PIGB: variants seen among roughly 807,000 people sequenced by gnomAD.
PIGB encodes GPI alpha-1,2-mannosyltransferase 3.
In PIGB, 58 loss-of-function variants were observed where a neutral mutation model predicts 68.4. The observed-to-expected ratio is 0.85, with a 90% CI of 0.69 to 1.06. PIGB has a LOEUF of 1.06. Among genes scored for constraint, PIGB ranks in the 50% least tolerant of loss-of-function variants. PIGB has a pLI of 0.00. For missense variants in PIGB, 634 were observed against 655.8 expected (o/e 0.97, Z 0.36); for synonymous variants, 219 against 220.5 (o/e 0.99, Z 0.06).
intron 3 of PIGB, chr15:55,324,884 GA>G (rs2055244773): frequency 1.3e-6 from 1 of 791,536 alleles, no homozygotes; most frequent in East Asian, 1.3e-4. Flanking sequence ...CAGTTTATGT[GA>G]AATTAAGTAC....
Position 55,350,911 on chromosome 15 carries a change from A to T in PIGB, c.1336A>T (p.Ser446Cys). 6.8e-7 allele frequency: 1 copy of T among 1,463,276 alleles called. No individual in the cohort carries two copies. The highest frequency in any genetic ancestry group is 9.5e-7 in the Non-Finnish European group (1 of 1,048,694). The allele number at this position is 1,463,276 out of a possible 1,614,324, so 90.6% of individuals were successfully genotyped here. A position where few individuals can be genotyped will look rare whatever the true frequency, so the allele number is the denominator to read the frequency against. ...MMPCHSTPYY[S>C]HVHCPLPMRF... ...GCCTTGCCACTCTACTCCTTATTACAGGTAATAAAAGATGTTCCACTATAT... is the reference window on the plus strand; with the variant it reads ...GCCTTGCCACTCTACTCCTTATTACTGGTAATAAAAGATGTTCCACTATAT... The change falls in exon 10 of 12, where the codon AGC (serine) becomes TGC (cysteine). Residue 446 changes from serine to cysteine, a missense_variant and splice_region_variant. Coordinates refer to ENST00000164305, the MANE Select transcript of PIGB (RefSeq NM_004855.5).
Position 55,319,347 on chromosome 15 carries a change from A to G in PIGB, c.97A>G (p.Lys33Glu), listed in dbSNP as rs2055107910. Residue 33 changes from lysine to glutamate, a missense_variant, in exon 1 of 12, where the codon AAG becomes GAG. Lys to Glu is a moderately conservative substitution (Grantham distance 56). Coordinates refer to ENST00000164305, the MANE Select transcript of PIGB (RefSeq NM_004855.5). ...GLQNRSHGKIKLRKRKSTLYF... is the reference protein window; with the variant it reads ...GLQNRSHGKIELRKRKSTLYF... Reference sequence around the variant, plus strand: ...CCAGAACCGCTCCCACGGCAAGATAAAGCTGCGAAAGAGAAAGTCTACCTT... The same window carrying G: ...CCAGAACCGCTCCCACGGCAAGATAGAGCTGCGAAAGAGAAAGTCTACCTT... The G allele has an allele frequency of 1.3e-6, 2 of 1,569,638 alleles. No individual in the cohort carries two copies. The highest frequency in any genetic ancestry group is 1.3e-5 in the African/African-American group (1 of 74,132).
At chr15:55,336,053 CA>C (rs2055527950) in intron 6 of PIGB, among the ~76,000 whole-genome samples, 1 of 152,066 alleles carries the variant, frequency 6.6e-6, no homozygotes, top group South Asian at 2.1e-4. Context: ...AAAGATATAA[CA>C]ATACAGATGC....
At chr15:55,334,643 C>A (rs919253623) in intron 6 of PIGB, among the ~76,000 whole-genome samples, 2 of 152,168 alleles carry the variant, frequency 1.3e-5, no homozygotes, top group African/African-American at 4.8e-5. Context: ...TTGGTTAGCA[C>A]TGGACTGCAT....
At chr15:55,334,314 A>G (rs976494929) in intron 6 of PIGB, among the ~76,000 whole-genome samples, 1 of 152,250 alleles carries the variant, frequency 6.6e-6, no homozygotes, top group Admixed American at 6.5e-5. Flanking sequence ...ATAAGGCTTT[A>G]TAATTCATAA....
chr15:55,335,125 C>G (rs1464414142), intron 6 of PIGB, among the ~76,000 whole-genome samples: 1 of 152,208 alleles, frequency 6.6e-6, no homozygotes, highest in Admixed American at 6.5e-5. Flanking sequence ...GAGCAGTAGG[C>G]TATACCATAT....
intron 5 of PIGB, among the ~76,000 whole-genome samples, chr15:55,331,881 C>CT (rs2141181355): frequency 6.6e-6 from 1 of 152,232 alleles, no homozygotes; most frequent in South Asian, 2.1e-4. Flanking sequence ...TGGATTTCAA[C>CT]TTTCTCTTGA....
intron 9 of PIGB, among the ~76,000 whole-genome samples, chr15:55,345,642 C>G (rs137929371): frequency 7.9e-5 from 12 of 152,162 alleles, no homozygotes; most frequent in Non-Finnish European, 1.3e-4. Flanking sequence ...ACCTGTAATG[C>G]CAGCTACTTG....
At position 55,350,967 on chromosome 15, in the gene PIGB, A is replaced by C. The variant is rs1387411528; in HGVS notation, c.1337+55A>C. ...TAAGAAACTGAAACTGACTACTTTA[A>C]AATTCCCTTTCAGATTCCTGGATTT... is the stretch of plus-strand genomic sequence containing the variant. On this transcript the variant is annotated intron_variant, in intron 10 of 11. Coordinates refer to ENST00000164305, the MANE Select transcript of PIGB (RefSeq NM_004855.5). 3.4e-6 allele frequency: 3 copies of C among 872,106 alleles called. No individual in the cohort carries two copies. In the East Asian group the frequency reaches 7.7e-5, roughly 22 times the overall value. The allele number at this position is 872,106 out of a possible 1,614,324, so 54.0% of individuals were successfully genotyped here.
At chr15:55,320,151 G>A in intron 1 of PIGB, 124 bp from the exon 2 acceptor site, 1 of 761,426 alleles carries the variant, frequency 1.3e-6, no homozygotes, top group Non-Finnish European at 2.0e-6. Flanking sequence ...TAAGAATGGT[G>A]TGGAGGGACC....
intron 9 of PIGB, among the ~76,000 whole-genome samples, chr15:55,346,113 A>AT (rs1683721332): frequency 6.6e-6 from 1 of 152,216 alleles, no homozygotes; most frequent in African/African-American, 2.4e-5. Context: ...GAAGGAACGT[A>AT]TTAGTGATTG....
intron 10 of PIGB, among the ~76,000 whole-genome samples, chr15:55,352,505 G>A (rs1398800387): frequency 6.6e-6 from 1 of 152,180 alleles, no homozygotes; most frequent in Non-Finnish European, 1.5e-5. Context: ...TTATATACCA[G>A]GCTGGGCGTT....
intron 3 of PIGB, among the ~76,000 whole-genome samples, chr15:55,324,088 G>A (rs559105812): frequency 7.2e-5 from 11 of 152,212 alleles, no homozygotes; most frequent in African/African-American, 9.6e-5. Context: ...GGGTTTCACC[G>A]TGGCCAGGCT....
intron 4 of PIGB, among the ~76,000 whole-genome samples, chr15:55,328,531 G>A (rs984883571): frequency 1.3e-5 from 2 of 152,110 alleles, no homozygotes; most frequent in Admixed American, 6.5e-5. Context: ...AGAAAGATTG[G>A]TTTAGCAACT....
chr15:55,319,679 G>C (rs2055118158), intron 1 of PIGB: 2 of 304,142 alleles, frequency 6.6e-6, no homozygotes, highest in Non-Finnish European at 1.2e-5. Context: ...ACATCACACA[G>C]ACCCGGGTTT....
chr15:55,352,682 G>A (rs1360164139), intron 10 of PIGB, among the ~76,000 whole-genome samples: 4 of 152,100 alleles, frequency 2.6e-5, no homozygotes, highest in African/African-American at 9.7e-5. Flanking sequence ...CTAGCTACTC[G>A]GGAGGCGGAG....
chr15:55,353,485 T>C (rs2055973567), intron 10 of PIGB, among the ~76,000 whole-genome samples: 2 of 151,112 alleles, frequency 1.3e-5, no homozygotes, highest in Admixed American at 1.3e-4. Context: ...TAAATGTTTG[T>C]ATCAGTGAGG....
chr15:55,327,582 A>G lies in PIGB; in HGVS notation c.469A>G (p.Arg157Gly). The G allele has an allele frequency of 6.2e-7, 1 of 1,612,438 alleles. No individual in the cohort carries two copies. Among genetic ancestry groups the G allele is most frequent in the South Asian group, 1.1e-5 (1 of 90,708 alleles). Residue 157 changes from arginine to glycine, a missense_variant, in exon 4 of 12, where the codon AGA becomes GGA. Coordinates refer to ENST00000164305, the MANE Select transcript of PIGB (RefSeq NM_004855.5). Reference protein sequence around the residue: ...QALLSAVADVRLYSLMKQLEN... With the variant: ...QALLSAVADVGLYSLMKQLEN... Reference sequence around the variant, plus strand: ...ACTTCTGTCTGCTGTAGCAGATGTGAGACTTTACTCATTAATGAAGCAACT... The same window carrying G: ...ACTTCTGTCTGCTGTAGCAGATGTGGGACTTTACTCATTAATGAAGCAACT...
At chr15:55,321,154 C>A in intron 2 of PIGB, 119 bp from the exon 3 acceptor site, 1 of 741,030 alleles carries the variant, frequency 1.3e-6, no homozygotes, top group Non-Finnish European at 2.0e-6. Context: ...AGAGGCAGGA[C>A]CACTTGAGCC....
Sources: allele counts gnomAD v4.1 joint callset (sites outside exome capture counted in the v4.1 genomes callset), GRCh38; gene constraint gnomAD v4.1.1; transcripts MANE v1.5; gene names NCBI Gene and HGNC (gene_info 2026-07-23, HGNC 2026-07-21).